PHF24: variants seen among roughly 807,000 people sequenced by gnomAD.
PHF24 encodes the protein PHD finger protein 24.
A neutral mutation model predicts 42.6 loss-of-function variants in PHF24; 25 were observed. The ratio of observed to expected loss-of-function variants is 0.59; its 90% CI spans 0.43 to 0.82. PHF24 has a LOEUF of 0.82. PHF24 is among the 40% of genes least tolerant of loss of function. PHF24 has a pLI of 0.00. For synonymous variants in PHF24, 185 were observed against 204.8 expected (o/e 0.90, Z 0.83); for missense variants, 470 against 538.1 (o/e 0.87, Z 1.25).
In PHF24 at chr9:34,961,441, C is replaced by T. The variant is rs181024099; in HGVS notation, c.-5+3040C>T. Among the ~76,000 whole-genome samples, 3 of 152,164 alleles carry T rather than the reference C, an allele frequency of 2.0e-5. No homozygotes were observed. In the East Asian group the frequency reaches 5.8e-4, roughly 29 times the overall value. Reference sequence around the variant, plus strand: ...CATTCTCCCCACTCTTCCAGCAATCCCCTCAGAGACTCACTTACATTTACT... The same window carrying T: ...CATTCTCCCCACTCTTCCAGCAATCTCCTCAGAGACTCACTTACATTTACT... On this transcript the variant is annotated intron_variant, in intron 1 of 7. Transcript: ENST00000242315.
chr9:34,851,701 G>A, the PHF24 span, among the ~76,000 whole-genome samples: 3 of 152,130 alleles, frequency 2.0e-5, no homozygotes, highest in Admixed American at 2.0e-4. Context: ...CATCGCTCAC[G>A]CTGGGAGCTG....
chr9:34,765,251 T>C, the PHF24 span, among the ~76,000 whole-genome samples: 1 of 152,058 alleles, frequency 6.6e-6, no homozygotes, highest in Admixed American at 6.6e-5. Context: ...TTCCTGGGTA[T>C]CCTTGTTAAC....
At chr9:34,922,624 G>T in the PHF24 span, 1 of 1,005,602 alleles carries the variant, frequency 9.9e-7, no homozygotes, top group Non-Finnish European at 1.6e-6. Context: ...TTTCCAAAAG[G>T]GACAGTACAT....
chr9:34,816,473 T>C, the PHF24 span, among the ~76,000 whole-genome samples: 1 of 152,190 alleles, frequency 6.6e-6, no homozygotes, highest in African/African-American at 2.4e-5. Flanking sequence ...TTATAAACAA[T>C]AGAAATGTAT....
chr9:34,937,600 A>G, the PHF24 span, among the ~76,000 whole-genome samples: 10 of 150,174 alleles, frequency 6.7e-5, no homozygotes, highest in East Asian at 2.0e-3. Flanking sequence ...TTGTCCTGTG[A>G]CCCTGCCAAA....
the PHF24 span, among the ~76,000 whole-genome samples, chr9:34,814,968 C>T: frequency 1.3e-5 from 2 of 152,112 alleles, no homozygotes; most frequent in African/African-American, 2.4e-5. Flanking sequence ...CTCGAACTCC[C>T]GACCTCAGGT....
At chr9:34,728,727 C>A in the PHF24 span, 7 of 1,367,990 alleles carry the variant, frequency 5.1e-6, no homozygotes, top group Non-Finnish European at 7.1e-6. Context: ...TGAGACAAAA[C>A]TTACATACAT....
chr9:34,868,129 GC>G, the PHF24 span, among the ~76,000 whole-genome samples: 1 of 152,116 alleles, frequency 6.6e-6, no homozygotes, highest in Non-Finnish European at 1.5e-5. Flanking sequence ...ATCCTTGCTA[GC>G]CCTGACTCAC....
At chr9:34,665,841 G>A in the PHF24 span, 1 of 605,312 alleles carries the variant, frequency 1.7e-6, no homozygotes, top group Non-Finnish European at 2.9e-6. Flanking sequence ...GATTTGGGAG[G>A]CACTGGAAGT....
the PHF24 span, chr9:34,923,000 G>A: frequency 5.3e-5 from 43 of 807,266 alleles, no homozygotes; most frequent in Non-Finnish European, 6.9e-5. Context: ...CTGCTGGGCC[G>A]GGCCTGGGCT....
At chr9:34,785,211 C>T in the PHF24 span, among the ~76,000 whole-genome samples, 1 of 152,168 alleles carries the variant, frequency 6.6e-6, no homozygotes, top group Non-Finnish European at 1.5e-5. Context: ...TTGCTGTGTG[C>T]TCCAGAAGGG....
the PHF24 span, among the ~76,000 whole-genome samples, chr9:34,685,937 C>G: frequency 6.6e-6 from 1 of 152,214 alleles, no homozygotes; most frequent in Non-Finnish European, 1.5e-5. Context: ...ACTGCCCAGA[C>G]AGGAACGCCA....
the PHF24 span, among the ~76,000 whole-genome samples, chr9:34,866,460 A>G: frequency 6.6e-6 from 1 of 152,186 alleles, no homozygotes; most frequent in African/African-American, 2.4e-5. Flanking sequence ...TGTTCCTGAA[A>G]GATTGTCTGA....
At chr9:34,810,244 G>A in the PHF24 span, among the ~76,000 whole-genome samples, 1 of 152,176 alleles carries the variant, frequency 6.6e-6, no homozygotes, top group Non-Finnish European at 1.5e-5. Flanking sequence ...GGACTCTGAG[G>A]TGCTTGCGTG....
At chr9:34,899,750 G>A in the PHF24 span, among the ~76,000 whole-genome samples, 3 of 152,100 alleles carry the variant, frequency 2.0e-5, no homozygotes, top group Non-Finnish European at 4.4e-5. Flanking sequence ...ACACTAGAGG[G>A]CAGCACATGC....
chr9:34,809,564 G>A, the PHF24 span, among the ~76,000 whole-genome samples: 2 of 152,192 alleles, frequency 1.3e-5, no homozygotes, highest in Non-Finnish European at 2.9e-5. This position sits in a 1 kb window ranked among gnomAD's most constrained non-coding sequence, Gnocchi z 4.1. Flanking sequence ...TGGACATTCC[G>A]GAGGCCTGTG....
the PHF24 span, among the ~76,000 whole-genome samples, chr9:34,907,591 C>T: frequency 4.6e-5 from 7 of 152,202 alleles, no homozygotes; most frequent in East Asian, 5.8e-4. Context: ...TTGATTGTCC[C>T]GTAGATCACA....
At chr9:34,866,688 G>A in the PHF24 span, among the ~76,000 whole-genome samples, 1 of 152,154 alleles carries the variant, frequency 6.6e-6, no homozygotes, top group Non-Finnish European at 1.5e-5. Context: ...GCTCATTGAG[G>A]AAATCCAGCC....
the PHF24 span, among the ~76,000 whole-genome samples, chr9:34,802,919 A>G: frequency 1.3e-3 from 191 of 152,246 alleles, 1 homozygote; most frequent in South Asian, 7.5e-3. Context: ...ACTTCCTGCC[A>G]TTAGACTTGC....
Sources: allele counts gnomAD v4.1 joint callset (sites outside exome capture counted in the v4.1 genomes callset), GRCh38; gene constraint gnomAD v4.1.1; non-coding constraint Gnocchi (gnomAD v3.1); transcripts MANE v1.5; gene names NCBI Gene and HGNC (gene_info 2026-07-23, HGNC 2026-07-21).